Variants in GLIS1 observed in about 807,000 individuals in gnomAD.
The protein encoded by GLIS1 is zinc finger protein GLIS1.
A neutral mutation model predicts 63.8 loss-of-function variants in GLIS1; 24 were observed. The ratio of observed to expected loss-of-function variants is 0.38; its 90% confidence interval spans 0.27 to 0.53. The LOEUF is 0.53. Ranked by LOEUF, GLIS1 falls within the 20% of genes least tolerant of loss-of-function variation. GLIS1 has a pLI of 0.85. For missense variants in GLIS1, 1,036 were observed against 1,074.1 expected, an observed-to-expected ratio of 0.96 and a Z score of 0.50; for synonymous variants, 450 against 482.5, an observed-to-expected ratio of 0.93 and a Z score of 0.88.
chr1:53,551,306 A>G (rs1644756919), intron 4 of GLIS1, among the ~76,000 whole-genome samples: 1 of 152,186 alleles, frequency 6.6e-6, no homozygotes, highest in Admixed American at 6.5e-5. Flanking sequence ...TGCCACATTT[A>G]TACAAAGAAA....
intron 2 of GLIS1, among the ~76,000 whole-genome samples, chr1:53,722,512 T>C (rs556160267): frequency 3.3e-5 from 5 of 152,288 alleles, no homozygotes; most frequent in African/African-American, 1.2e-4. Context: ...TTTTAATGTA[T>C]CACCTATTCA....
intron 2 of GLIS1, among the ~76,000 whole-genome samples, chr1:53,644,815 G>A (rs1256383104): frequency 1.3e-5 from 2 of 152,066 alleles, no homozygotes; most frequent in Non-Finnish European, 2.9e-5. Context: ...GTGCCACAGG[G>A]GCTCACTCCA....
intron 4 of GLIS1, among the ~76,000 whole-genome samples, chr1:53,544,777 C>T (rs1644681151): frequency 6.6e-6 from 1 of 152,198 alleles, no homozygotes; most frequent in Non-Finnish European, 1.5e-5. Flanking sequence ...TCAGCTCCAA[C>T]ACTGGTTTCT....
chr1:53,524,799 T>G lies in GLIS1; in HGVS notation c.1571A>C (p.Lys524Thr). 3 of 1,613,506 alleles carry G rather than the reference T, an allele frequency of 1.9e-6. No individual in the cohort carries two copies. Among genetic ancestry groups the G allele is most frequent in the Non-Finnish European group, 2.5e-6 (3 of 1,179,892 alleles). The change falls in exon 6 of 11, where the codon AAA becomes ACA. Residue 524 changes from lysine to threonine, a missense_variant. By Grantham distance (78) the Lys-to-Thr change is moderately conservative. This residue lies in a region of GLIS1 where 400 missense variants were observed against 400.9 expected (regional missense o/e 1.00). Transcript: ENST00000628545. ...TACCTTCTTACGCACCTGCTGCTCTTTGGCTGAATGGGCCTTGACGTGCTT... is the reference window on the plus strand; with the variant it reads ...TACCTTCTTACGCACCTGCTGCTCTGTGGCTGAATGGGCCTTGACGTGCTT... ...LRKHVKAHSA[K>T]EQQVRKKLHA... is the part of the protein sequence containing the mutation.
chr1:53,520,429 C>G (rs372641256), intron 7 of GLIS1, among the ~76,000 whole-genome samples: 1 of 152,366 alleles, frequency 6.6e-6, no homozygotes, highest in Middle Eastern at 3.4e-3. Flanking sequence ...GTGAAGGAAA[C>G]GTCCACCTAG....
In GLIS1 at chr1:53,667,401, G is replaced by A. The variant is rs114121971; in HGVS notation, c.260-67123C>T. Among the ~76,000 whole-genome samples, 1,403 of 152,284 alleles carry A rather than the reference G, an allele frequency of 9.2e-3. 15 individuals carry two copies. The highest frequency in any genetic ancestry group is 0.032 in the African/African-American group (1,349 of 41,554). On this transcript the variant is annotated intron_variant, in intron 2 of 10. Coordinates refer to ENST00000628545, the MANE Select transcript of GLIS1 (RefSeq NM_001367484.1). ...CATTATTCCCATGCTATGAAGAAAC[G>A]GAGGCCTGCACCAGGGCAGTGCATC...
intron 2 of GLIS1, among the ~76,000 whole-genome samples, chr1:53,719,187 C>T (rs572617948): frequency 3.9e-5 from 6 of 152,366 alleles, no homozygotes; most frequent in East Asian, 1.9e-4. Flanking sequence ...CATTCTGCCA[C>T]GAAGCAGGGG....
intron 2 of GLIS1, among the ~76,000 whole-genome samples, chr1:53,670,938 A>G (rs1209021129): frequency 6.6e-6 from 1 of 152,254 alleles, no homozygotes; most frequent in Non-Finnish European, 1.5e-5. Flanking sequence ...GTGTAATTAT[A>G]TCAGGGTGTG....
chr1:53,664,021 G>A (rs905467193), intron 2 of GLIS1, among the ~76,000 whole-genome samples: 6 of 152,210 alleles, frequency 3.9e-5, no homozygotes, highest in Non-Finnish European at 8.8e-5. Flanking sequence ...CTGGAAGGTG[G>A]CAGAGAATCC....
Position 53,514,802 on chromosome 1 carries a change from C to T in GLIS1, c.1727-21G>A, listed in dbSNP as rs745446838. 1.2e-5 allele frequency: 18 copies of T among 1,559,444 alleles called. No individual in the cohort carries two copies. The East Asian group carries it at 2.8e-4, about 24-fold the overall frequency. ...CACACCTGCAGGGAATCAAACAAGGCTCACTGGACTCTGGCCACTCCCTAG... is the reference window on the plus strand; with the variant it reads ...CACACCTGCAGGGAATCAAACAAGGTTCACTGGACTCTGGCCACTCCCTAG... On this transcript the variant is annotated intron_variant, in intron 7 of 10. Transcript: ENST00000628545.
intron 2 of GLIS1, among the ~76,000 whole-genome samples, chr1:53,723,872 T>C (rs146621077): frequency 1.3e-5 from 2 of 152,254 alleles, no homozygotes; most frequent in African/African-American, 4.8e-5. Context: ...CAAGAATAAA[T>C]CAATATTCTG....
intron 3 of GLIS1, among the ~76,000 whole-genome samples, chr1:53,599,612 G>T (rs145624037): frequency 6.6e-6 from 1 of 152,254 alleles, no homozygotes; most frequent in Admixed American, 6.5e-5. Flanking sequence ...GAAGCTGTAG[G>T]AGGCGGGCGT....
At chr1:53,513,357 C>G (rs1644317547) in intron 8 of GLIS1, among the ~76,000 whole-genome samples, 1 of 152,174 alleles carries the variant, frequency 6.6e-6, no homozygotes, top group South Asian at 2.1e-4. Context: ...CATCACTGCT[C>G]AACACTCTTC....
intron 4 of GLIS1, among the ~76,000 whole-genome samples, chr1:53,551,330 C>T (rs1439801968): frequency 1.3e-5 from 2 of 152,328 alleles, no homozygotes; most frequent in East Asian, 1.9e-4. Flanking sequence ...AAAACACCTG[C>T]CTCTCAGGGT....
rs1644484918 is a variant in GLIS1 at position 53,527,661 on chromosome 1, T to C, written c.1482+2130A>G. Among the ~76,000 whole-genome samples the C allele has an allele frequency of 2.0e-5, 3 of 152,208 alleles. No homozygotes were observed. The South Asian group carries it at 6.2e-4, about 31-fold the overall frequency. On this transcript the variant is annotated intron_variant, in intron 5 of 10. Coordinates refer to ENST00000628545, the MANE Select transcript of GLIS1 (RefSeq NM_001367484.1). The stretch of plus-strand genomic sequence containing the variant: ...AGCTAGGGACATGGCTGGTCCCCTC[T>C]GGAAAGCAAGGCCCTGCCCTGTGAG...
At chr1:53,633,142 TGA>T (rs1208426379) in intron 2 of GLIS1, among the ~76,000 whole-genome samples, 5 of 127,682 alleles carry the variant, frequency 3.9e-5, no homozygotes, top group Non-Finnish European at 8.2e-5. Context: ...TATGTGTGAC[TGA>T]GGGGCGTGTG....
Position 53,506,793 on chromosome 1 carries a change from A to G in GLIS1, c.2231-17T>C, listed in dbSNP as rs1456468466. 6.2e-7 allele frequency: 1 copy of G among 1,604,294 alleles called. No homozygotes were observed. Among genetic ancestry groups the G allele is most frequent in the Non-Finnish European group, 8.5e-7 (1 of 1,179,222 alleles). ...CCTCATAGCCTGTGAGTGGTTGGGA[A>G]AGGGTCAGCGCTGGAGGCAGCAGGG... is the stretch of plus-strand genomic sequence containing the variant. On this transcript the variant is annotated splice_polypyrimidine_tract_variant and intron_variant, in intron 10 of 10. Coordinates refer to ENST00000628545, the MANE Select transcript of GLIS1 (RefSeq NM_001367484.1).
intron 4 of GLIS1, among the ~76,000 whole-genome samples, chr1:53,565,082 A>G (rs933407404): frequency 1.3e-5 from 2 of 152,050 alleles, no homozygotes; most frequent in Non-Finnish European, 2.9e-5. Flanking sequence ...TTAGAAGTCA[A>G]TCACATAAAG....
intron 2 of GLIS1, among the ~76,000 whole-genome samples, chr1:53,616,038 G>T (rs149504978): frequency 1.3e-5 from 2 of 152,104 alleles, no homozygotes; most frequent in East Asian, 3.9e-4. Context: ...AAGAGCCACC[G>T]CACCCAGCTC....
Sources: allele counts gnomAD v4.1 joint callset (sites outside exome capture counted in the v4.1 genomes callset), GRCh38; gene constraint gnomAD v4.1.1; regional missense constraint gnomAD v4.1.1; transcripts MANE v1.5; gene names NCBI Gene and HGNC (gene_info 2026-07-23, HGNC 2026-07-21).